The following LRRC4B variants were observed in gnomAD, a reference collection of about 807,000 sequenced individuals.
The protein encoded by LRRC4B is leucine rich repeat containing 4B.
LRRC4B carries 1 observed loss-of-function variant against 7.3 expected under a neutral mutation model. The ratio of observed to expected loss-of-function variants is 0.14; its 90% CI spans 0.05 to 0.65. The LOEUF (loss-of-function observed/expected upper bound fraction) is 0.65. Ranked by LOEUF, LRRC4B falls within the 30% of genes least tolerant of loss-of-function variation. The pLI is 0.84. For synonymous variants in LRRC4B, 500 were observed against 499.2 expected, an observed-to-expected ratio of 1.00 and a Z score of -0.02; for missense variants, 730 against 1,041.6, an observed-to-expected ratio of 0.70 and a Z score of 4.12.
rs1417107881 is a variant in LRRC4B at position 50,568,220 on chromosome 19, C to T, written c.-312G>A. ...CGGCCCCGCGCCCTCGCCCGCCGCC[C>T]GCCTTCCTTCTTGCCTTCCTTTCTT... On this transcript the variant is annotated 5_prime_UTR_variant, in exon 1 of 3. Transcript: ENST00000652263. Among the ~76,000 whole-genome samples, 4 of 151,820 alleles carry T rather than the reference C, an allele frequency of 2.6e-5. No individual in the cohort carries two copies. Among genetic ancestry groups the T allele is most frequent in the Admixed American group, 2.0e-4 (3 of 15,266 alleles).
At chr19:50,567,400 T>G (rs950788205) in intron 1 of LRRC4B, among the ~76,000 whole-genome samples, 1 of 151,716 alleles carries the variant, frequency 6.6e-6, no homozygotes, top group African/African-American at 2.4e-5. Flanking sequence ...CCATTTTCAC[T>G]TCCCAAACTC....
At chr19:50,550,234 G>A (rs964975371) in intron 1 of LRRC4B, among the ~76,000 whole-genome samples, 3 of 152,134 alleles carry the variant, frequency 2.0e-5, no homozygotes, top group Non-Finnish European at 2.9e-5. Context: ...GGGCGCAGAG[G>A]GGGTACTTCG....
chr19:50,565,338 T>G (rs888225995), intron 1 of LRRC4B, among the ~76,000 whole-genome samples: 2 of 152,212 alleles, frequency 1.3e-5, no homozygotes, highest in African/African-American at 4.8e-5. Flanking sequence ...CTCCTGCCTT[T>G]GTCTCTCCCT....
chr19:50,536,097 C>T (rs900319643), intron 2 of LRRC4B, among the ~76,000 whole-genome samples: 13 of 151,656 alleles, frequency 8.6e-5, no homozygotes, highest in African/African-American at 1.7e-4. Flanking sequence ...AGCAGCCCCC[C>T]GCCAGCTCGT....
At position 50,517,091 on chromosome 19, in the gene LRRC4B, G is replaced by C. The variant is rs1347155990; in HGVS notation, c.*480C>G. 1 of 152,090 alleles carries C rather than the reference G, an allele frequency of 6.6e-6. No individual in the cohort carries two copies. Among genetic ancestry groups the C allele is most frequent in the African/African-American group, 2.4e-5 (1 of 41,402 alleles). The allele number at this position is 152,090 out of a possible 1,614,324, so 9.4% of individuals were successfully genotyped here. On this transcript the variant is annotated 3_prime_UTR_variant, in exon 3 of 3. Transcript: ENST00000652263. This position sits in a 1 kb window ranked among gnomAD's most constrained non-coding sequence, Gnocchi z 6.6. ...GGGAGCAGAGCCGGGCGCTGGGACG[G>C]GAGCTCTGGCGACGTGTCCATCTCT...
At chr19:50,525,764 C>T (rs1379344012) in intron 2 of LRRC4B, among the ~76,000 whole-genome samples, 2 of 151,996 alleles carry the variant, frequency 1.3e-5, no homozygotes, top group Non-Finnish European at 2.9e-5. Context: ...TCAGGGCCGC[C>T]CCCATCCTGG....
intron 2 of LRRC4B, among the ~76,000 whole-genome samples, chr19:50,538,021 C>T (rs1981364937): frequency 6.6e-6 from 1 of 152,112 alleles, no homozygotes; most frequent in Non-Finnish European, 1.5e-5. Flanking sequence ...CCTAGATTCC[C>T]CTCTACAGAT....
chr19:50,545,043 C>T (rs193300771), intron 2 of LRRC4B, among the ~76,000 whole-genome samples: 6 of 150,228 alleles, frequency 4.0e-5, no homozygotes, highest in East Asian at 4.0e-4. Flanking sequence ...ACCCAGGAGG[C>T]GGAGCTTGCA....
chr19:50,559,484 C>T (rs1982395965), intron 1 of LRRC4B, among the ~76,000 whole-genome samples: 1 of 152,204 alleles, frequency 6.6e-6, no homozygotes, highest in Admixed American at 6.5e-5. Context: ...GACTGTGATT[C>T]TGTGCTGGGA....
chr19:50,560,028 G>C (rs979435948), intron 1 of LRRC4B, among the ~76,000 whole-genome samples: 1 of 152,150 alleles, frequency 6.6e-6, no homozygotes, highest in Non-Finnish European at 1.5e-5. Flanking sequence ...CCAGCTACTC[G>C]GGAGGCTGAG....
In LRRC4B at chr19:50,518,330, G is replaced by A. The variant is rs966713494; in HGVS notation, c.1383C>T (p.Ala461=). 4.4e-6 allele frequency: 7 copies of A among 1,605,924 alleles called. No homozygotes were observed. The highest frequency in any genetic ancestry group is 1.1e-5 in the South Asian group (1 of 90,586). The change falls in exon 3 of 3, where the codon GCC becomes GCT. Residue 461 remains alanine (A), a synonymous_variant. Coordinates refer to ENST00000652263, the MANE Select transcript of LRRC4B (RefSeq NM_001080457.2). ...LNVSAVDPVA[A]GGTGSGGGGP... ...CGCCCCCGCCGCTGCCGGTGCCCCCGGCCGCCACGGGGTCCACGGCCGAGA... is the reference window on the plus strand; with the variant it reads ...CGCCCCCGCCGCTGCCGGTGCCCCCAGCCGCCACGGGGTCCACGGCCGAGA...
intron 2 of LRRC4B, among the ~76,000 whole-genome samples, chr19:50,532,715 T>C (rs930852800): frequency 9.2e-5 from 14 of 152,200 alleles, no homozygotes; most frequent in Admixed American, 2.0e-4. Context: ...TTGTCTAGGC[T>C]GTGAGTTGGT....
In LRRC4B at chr19:50,563,230, G is replaced by C. The variant is rs1318405979; in HGVS notation, c.-36+4714C>G. ...TCCACCTCTGCCTGCCATGACAACA[G>C]TTGCGCGTGGGTTTCCAGGCAACAA... On this transcript the variant is annotated intron_variant, in intron 1 of 2. Coordinates refer to ENST00000652263, the MANE Select transcript of LRRC4B (RefSeq NM_001080457.2). The surrounding 1 kb of genome is among the most constrained non-coding windows in gnomAD (Gnocchi z 4.9). 6.6e-6 allele frequency among the ~76,000 whole-genome samples: 1 copy of C among 152,102 alleles called. No homozygotes were observed. Among genetic ancestry groups the C allele is most frequent in the Non-Finnish European group, 1.5e-5 (1 of 68,006 alleles).
At chr19:50,532,788 G>C (rs998825382) in intron 2 of LRRC4B, among the ~76,000 whole-genome samples, 5 of 152,210 alleles carry the variant, frequency 3.3e-5, no homozygotes, top group African/African-American at 1.2e-4. Context: ...GGCCAAATTC[G>C]TGACAGACTT....
At chr19:50,536,308 A>G (rs933161021) in intron 2 of LRRC4B, among the ~76,000 whole-genome samples, 2 of 151,928 alleles carry the variant, frequency 1.3e-5, no homozygotes, top group South Asian at 4.2e-4. Flanking sequence ...TAATTTTTGT[A>G]TTTTTAGTAG....
chr19:50,518,446 A>G lies in LRRC4B; in HGVS notation c.1267T>C (p.Phe423Leu). 2 of 1,552,014 alleles carry G rather than the reference A, an allele frequency of 1.3e-6. No individual in the cohort carries two copies. The highest frequency in any genetic ancestry group is 1.7e-6 in the Non-Finnish European group (2 of 1,149,938). ...ISVLHDGTLN[F>L]TNVTVQDTGQ... is the part of the protein sequence containing the mutation. ...GTGTCCTGCACGGTGACGTTGGTGA[A>G]GTTAAGCGTGCCGTCATGCAGGACG... is the stretch of plus-strand genomic sequence containing the variant. The change falls in exon 3 of 3, where the codon TTC becomes CTC. Residue 423 changes from phenylalanine to leucine, a missense_variant. Around this residue, in one of 6 missense-constraint regions of LRRC4B, gnomAD observed 192 missense variants for 228.6 expected, o/e 0.84. Coordinates refer to ENST00000652263, the MANE Select transcript of LRRC4B (RefSeq NM_001080457.2).
intron 2 of LRRC4B, among the ~76,000 whole-genome samples, chr19:50,528,723 T>C (rs1044993915): frequency 1.3e-4 from 20 of 152,154 alleles, no homozygotes; most frequent in African/African-American, 4.3e-4. Flanking sequence ...GAATGAGACC[T>C]CCGTGAATGC....
At chr19:50,549,190 AGTT>A (rs1981948350) in intron 1 of LRRC4B, among the ~76,000 whole-genome samples, 1 of 152,206 alleles carries the variant, frequency 6.6e-6, no homozygotes, top group African/African-American at 2.4e-5. Flanking sequence ...TAAGTGCAGA[AGTT>A]GTCCAGATTC....
In LRRC4B at chr19:50,537,878, G is replaced by T. The variant is rs1165151389; in HGVS notation, c.297+10664C>A. Among the ~76,000 whole-genome samples the T allele has an allele frequency of 6.6e-6, 1 of 152,100 alleles. No individual in the cohort carries two copies. Among genetic ancestry groups the T allele is most frequent in the Admixed American group, 6.6e-5 (1 of 15,256 alleles). ...ATGAGAGCCAGGGAGGCCGCAGTTA[G>T]ACACGAAGTCTCAGCAGCCCGGGAA... On this transcript the variant is annotated intron_variant, in intron 2 of 2. Transcript: ENST00000652263. This position sits in a 1 kb window ranked among gnomAD's most constrained non-coding sequence, Gnocchi z 5.5.
Sources: allele counts gnomAD v4.1 joint callset (sites outside exome capture counted in the v4.1 genomes callset), GRCh38; gene constraint gnomAD v4.1.1; regional missense constraint gnomAD v4.1.1; non-coding constraint Gnocchi (gnomAD v3.1); transcripts MANE v1.5; gene names NCBI Gene and HGNC (gene_info 2026-07-23, HGNC 2026-07-21).